The following FAM20C variants were observed in gnomAD, a reference collection of about 807,000 sequenced individuals.
The protein encoded by FAM20C is extracellular serine/threonine protein kinase FAM20C.
A neutral mutation model predicts 51.5 loss-of-function variants in FAM20C; 40 were observed. That is an observed-to-expected ratio of 0.78 (90% CI 0.60 to 1.01). The LOEUF (loss-of-function observed/expected upper bound fraction) is 1.01, where lower values mean the gene tolerates loss of function less well. Among genes scored for constraint, FAM20C ranks in the 50% least tolerant of loss-of-function variants. The pLI is 0.00. For missense variants in FAM20C, 861 were observed against 844.7 expected (o/e 1.02, Z -0.24); for synonymous variants, 406 against 380.6 (o/e 1.07, Z -0.78).
Position 257,044 on chromosome 7 carries a change from T to A in FAM20C, c.1403T>A (p.Phe468Tyr). Reference sequence around the variant, plus strand: ...CACCACTACGAGACTTTTGAGAAGTTTGGGAATGAAACGTTCATCATCCAC... The same window carrying A: ...CACCACTACGAGACTTTTGAGAAGTATGGGAATGAAACGTTCATCATCCAC... ...DRHHYETFEK[F>Y]GNETFIIHLD... Residue 468 changes from phenylalanine to tyrosine, a missense_variant, in exon 8 of 10, where the codon TTT (phenylalanine) becomes TAT (tyrosine). Transcript: ENST00000313766. 6.5e-7 allele frequency: 1 copy of A among 1,537,048 alleles called. No individual in the cohort carries two copies. Among genetic ancestry groups the A allele is most frequent in the Non-Finnish European group, 8.7e-7 (1 of 1,146,866 alleles).
intron 2 of FAM20C, among the ~76,000 whole-genome samples, chr7:207,628 C>T (rs1786489926): frequency 6.6e-6 from 1 of 152,260 alleles, no homozygotes; most frequent in South Asian, 2.1e-4. Context: ...TCTGTGCCGG[C>T]AGGGATGCCC....
intron 3 of FAM20C, chr7:229,557 TG>T: frequency 6.6e-6 from 1 of 152,374 alleles, no homozygotes. Context: ...GAATGACAGA[TG>T]GGGGATGAGC....
At position 208,971 on chromosome 7, in the gene FAM20C, C is replaced by G; in HGVS notation, c.858C>G (p.Pro286=). The change falls in exon 3 of 10, where the codon CCC becomes CCG. Residue 286 remains proline (P), a synonymous_variant. Coordinates refer to ENST00000313766, the MANE Select transcript of FAM20C (RefSeq NM_020223.4). ...FQNYGQALFK[P]MKQTREQETP... ...ATTACGGGCAAGCGCTGTTCAAACC[C>G]ATGAAGTAAGTGCCGAGGCCTGTGG... The G allele has an allele frequency of 1.9e-6, 3 of 1,581,626 alleles. No homozygotes were observed. The highest frequency in any genetic ancestry group is 2.6e-6 in the Non-Finnish European group (3 of 1,163,960).
At chr7:233,594 G>A (rs1787764674) in intron 3 of FAM20C, among the ~76,000 whole-genome samples, 1 of 152,294 alleles carries the variant, frequency 6.6e-6, no homozygotes, top group East Asian at 1.9e-4. Context: ...AGGCGCCTGC[G>A]TTGGCGGCTG....
chr7:219,375 C>G (rs1307230643), intron 3 of FAM20C, among the ~76,000 whole-genome samples: 2 of 148,774 alleles, frequency 1.3e-5, no homozygotes, highest in South Asian at 2.1e-4. Flanking sequence ...GACAGCAACG[C>G]CCAGCCCAGG....
chr7:204,770 G>A (rs1786273932), intron 2 of FAM20C, among the ~76,000 whole-genome samples: 1 of 152,170 alleles, frequency 6.6e-6, no homozygotes, highest in Admixed American at 6.5e-5. Flanking sequence ...ACTGTTCTCT[G>A]TGCTCAGGGA....
rs868843924 is a variant in FAM20C, at chr7:258,287, T to C, written c.1446-359T>C. Among the ~76,000 whole-genome samples, 337 of 58,276 alleles carry C rather than the reference T, an allele frequency of 5.8e-3. 7 individuals carry two copies. The highest frequency in any genetic ancestry group is 0.024 in the Middle Eastern group (2 of 82). 38.2% of individuals were successfully genotyped at this position (58,276 alleles called of 152,430 possible). A position where few individuals can be genotyped will look rare whatever the true frequency, so the allele number is the denominator to read the frequency against. ...AGATAGGCAGGGTGGACCCACTGCC[T>C]GGGGTGCTGGAGATGGGTGGGATGG... On this transcript the variant is annotated intron_variant, in intron 8 of 9. Coordinates refer to ENST00000313766, the MANE Select transcript of FAM20C (RefSeq NM_020223.4).
intron 2 of FAM20C, among the ~76,000 whole-genome samples, chr7:200,457 G>A (rs574774885): frequency 3.3e-5 from 5 of 152,184 alleles, no homozygotes; most frequent in Non-Finnish European, 5.9e-5. Context: ...CTTCCCAGCC[G>A]TCTGGTGGAA....
intron 3 of FAM20C, 149 bp from the exon 4 acceptor site, chr7:246,266 C>T: frequency 1.6e-6 from 1 of 611,992 alleles, no homozygotes; most frequent in East Asian, 2.8e-5. Flanking sequence ...CAGCTGGGTG[C>T]CCAGGGTCCC....
intron 3 of FAM20C, among the ~76,000 whole-genome samples, chr7:234,140 G>T (rs1787779712): frequency 6.6e-6 from 1 of 152,260 alleles, no homozygotes; most frequent in South Asian, 2.1e-4. Context: ...CGTGACGCCT[G>T]TGGGGCCTTC....
intron 3 of FAM20C, among the ~76,000 whole-genome samples, chr7:217,994 G>A (rs1787083100): frequency 1.3e-5 from 2 of 152,270 alleles, no homozygotes; most frequent in East Asian, 1.9e-4. Flanking sequence ...AGGGCTGCCC[G>A]TCCCCGTCGG....
At chr7:207,313 C>T (rs35853297) in intron 2 of FAM20C, among the ~76,000 whole-genome samples, 1 of 61,306 alleles carries the variant, frequency 1.6e-5, no homozygotes, top group Non-Finnish European at 3.0e-5. Context: ...TCCACTGTGA[C>T]GCGTCGGTCA....
Position 208,907 on chromosome 7 carries a change from C to T in FAM20C, c.794C>T (p.Ser265Leu), listed in dbSNP as rs1478019765. Residue 265 changes from serine to leucine, a missense_variant, in exon 3 of 10, where the codon TCG becomes TTG. By Grantham distance (145) the Ser-to-Leu change is moderately radical. Coordinates refer to ENST00000313766, the MANE Select transcript of FAM20C (RefSeq NM_020223.4). ...SQRITSVAMK[S>L]GGTQLKLIMT... ...TCCCTCCTTCCTGCAGCCATGAAGT[C>T]GGGGGGCACGCAGCTGAAGCTCATC... 7 of 1,574,918 alleles carry T rather than the reference C, an allele frequency of 4.4e-6. No homozygotes were observed. In the Admixed American group the frequency reaches 5.5e-5, roughly 12 times the overall value.
chr7:213,755 G>A (rs896969985), intron 3 of FAM20C, among the ~76,000 whole-genome samples: 2 of 152,146 alleles, frequency 1.3e-5, no homozygotes, highest in Non-Finnish European at 2.9e-5. Context: ...TTTCTGCAGC[G>A]GCTGCACCAT....
At chr7:205,640 G>A (rs904038585) in intron 2 of FAM20C, among the ~76,000 whole-genome samples, 26 of 152,278 alleles carry the variant, frequency 1.7e-4, no homozygotes, top group Admixed American at 5.9e-4. Flanking sequence ...GTCGGAGCCC[G>A]TCGACGGTTT....
chr7:209,448 G>A (rs1037140372), intron 3 of FAM20C, among the ~76,000 whole-genome samples: 2 of 152,228 alleles, frequency 1.3e-5, no homozygotes, highest in Admixed American at 6.5e-5. Context: ...GACGCAGTAC[G>A]TGGTGATGGG....
chr7:195,954 G>C (rs566535351), intron 2 of FAM20C, among the ~76,000 whole-genome samples: 1 of 152,368 alleles, frequency 6.6e-6, no homozygotes, highest in African/African-American at 2.4e-5. Context: ...GATGAGCGGG[G>C]AGACGCCTGG....
intron 4 of FAM20C, 71 bp downstream of exon 4, chr7:246,578 GCA>G: frequency 2.0e-5 from 9 of 452,772 alleles, no homozygotes; most frequent in Non-Finnish European, 2.4e-5. Flanking sequence ...AGGCCGTCCT[GCA>G]CTGGACACAG....
chr7:211,144 TC>T (rs1399833128), intron 3 of FAM20C, among the ~76,000 whole-genome samples: 4 of 29,362 alleles, frequency 1.4e-4, no homozygotes, highest in East Asian at 2.0e-3. Flanking sequence ...CCCGTCAGCC[TC>T]CCCTGGGCCT....
Sources: gnomAD v4.1 joint callset for allele counts (sites outside exome capture counted in the v4.1 genomes callset) on GRCh38, gnomAD v4.1.1 for gene constraint, MANE v1.5 for transcripts, NCBI Gene and HGNC (gene_info 2026-07-23, HGNC 2026-07-21) for gene names.